SLC19A3: variants seen among roughly 807,000 people sequenced by gnomAD.
SLC19A3 encodes the protein solute carrier family 19 member 3.
In SLC19A3, 31 loss-of-function variants were observed where a neutral mutation model predicts 40.2. The observed-to-expected ratio is 0.77, with a 90% CI of 0.58 to 1.04. The LOEUF (loss-of-function observed/expected upper bound fraction) is 1.04, where lower values mean the gene tolerates loss of function less well. Ranked by LOEUF, SLC19A3 falls within the 50% of genes least tolerant of loss-of-function variation. The pLI is 0.00. For synonymous variants in SLC19A3, 212 were observed against 227.5 expected, an observed-to-expected ratio of 0.93 and a Z score of 0.61; for missense variants, 592 against 596.7, an observed-to-expected ratio of 0.99 and a Z score of 0.08.
At chr2:227,698,684 TG>T (rs1695538925) in intron 3 of SLC19A3, 51 bp downstream of exon 3, 1 of 1,492,892 alleles carries the variant, frequency 6.7e-7, no homozygotes. Context: ...CCTGGAGGAA[TG>T]GACTTAAGCG....
At chr2:227,700,712 A>C (rs1441128878) in intron 2 of SLC19A3, among the ~76,000 whole-genome samples, 2 of 152,324 alleles carry the variant, frequency 1.3e-5, no homozygotes, top group East Asian at 1.9e-4. Context: ...CTTCATGGGC[A>C]AATTTGCTAG....
At chr2:227,709,943 G>A (rs1021968686) in intron 1 of SLC19A3, among the ~76,000 whole-genome samples, 5 of 152,072 alleles carry the variant, frequency 3.3e-5, no homozygotes, top group African/African-American at 4.8e-5. Flanking sequence ...AATGGGGGAG[G>A]AGTTAGGGGG....
intron 1 of SLC19A3, among the ~76,000 whole-genome samples, chr2:227,708,436 G>A (rs538802854): frequency 6.6e-6 from 1 of 151,698 alleles, no homozygotes; most frequent in African/African-American, 2.4e-5. Context: ...TCCTTAAATT[G>A]TTCTTTCCAC....
intron 1 of SLC19A3, among the ~76,000 whole-genome samples, chr2:227,707,881 C>A (rs772653258): frequency 1.5e-4 from 23 of 152,184 alleles, no homozygotes; most frequent in Non-Finnish European, 3.1e-4. Context: ...GTGCCTGCCA[C>A]CATGCCTGGC....
rs1694987958 is a variant in SLC19A3 at position 227,685,586 on chromosome 2, T to C, written c.*1811A>G. 6.6e-6 allele frequency: 1 copy of C among 152,156 alleles called. No individual in the cohort carries two copies. The highest frequency in any genetic ancestry group is 1.5e-5 in the Non-Finnish European group (1 of 68,054). The allele number at this position is 152,156 out of a possible 1,614,324, so 9.4% of individuals were successfully genotyped here. A position where few individuals can be genotyped will look rare whatever the true frequency, so the allele number is the denominator to read the frequency against. ...ATCAAAATCCAATTAAAAATTTTTT[T>C]GTTTGTTTTAGACACAGGGTCTTGC... is the stretch of plus-strand genomic sequence containing the variant. On this transcript the variant is annotated 3_prime_UTR_variant, in exon 6 of 6. Coordinates refer to ENST00000644224, the MANE Select transcript of SLC19A3 (RefSeq NM_025243.4).
Position 227,687,232 on chromosome 2 carries a change from G to A in SLC19A3, c.*165C>T. 3 of 664,952 alleles carry A rather than the reference G, an allele frequency of 4.5e-6. No individual in the cohort carries two copies. The highest frequency in any genetic ancestry group is 2.1e-5 in the South Asian group (1 of 48,086). 41.2% of individuals were successfully genotyped at this position (664,952 alleles called of 1,614,324 possible). A position where few individuals can be genotyped will look rare whatever the true frequency, so the allele number is the denominator to read the frequency against. On this transcript the variant is annotated 3_prime_UTR_variant, in exon 6 of 6. Coordinates refer to ENST00000644224, the MANE Select transcript of SLC19A3 (RefSeq NM_025243.4). ...TGCATCCAGTAAAATTGGTCACATA[G>A]AGAACTCATCTAAAACTGAGGTTTT...
intron 1 of SLC19A3, among the ~76,000 whole-genome samples, chr2:227,708,102 T>C (rs1490435755): frequency 6.6e-6 from 1 of 152,194 alleles, no homozygotes; most frequent in Non-Finnish European, 1.5e-5. Context: ...TCCCCTTCTT[T>C]GGGGTACGTG....
intron 1 of SLC19A3, among the ~76,000 whole-genome samples, chr2:227,716,474 C>T (rs1258783172): frequency 6.6e-6 from 1 of 152,176 alleles, no homozygotes; most frequent in Non-Finnish European, 1.5e-5. Context: ...AAACCTTTGT[C>T]TGCCTAAGAT....
At chr2:227,709,564 G>A (rs530657629) in intron 1 of SLC19A3, among the ~76,000 whole-genome samples, 14 of 152,204 alleles carry the variant, frequency 9.2e-5, no homozygotes, top group African/African-American at 3.4e-4. Flanking sequence ...TCTAGCTAAG[G>A]TAAAGCCTTA....
intron 1 of SLC19A3, among the ~76,000 whole-genome samples, chr2:227,714,973 C>A (rs71431072): frequency 0.15 from 22,148 of 151,746 alleles, 2,113 homozygotes; most frequent in South Asian, 0.33. Flanking sequence ...GCACCCGCCA[C>A]CAGGCCTGGC....
rs77029550 is a variant in SLC19A3, at chr2:227,695,680, T to C, written c.1172+209A>G. ...TGGTCTATAAACCTACAGAGTTTTT[T>C]CCCTTGATGACTTAAGGTATATTGT... On this transcript the variant is annotated intron_variant, in intron 4 of 5. Transcript: ENST00000644224. 8,630 of 579,568 alleles carry C rather than the reference T, an allele frequency of 0.015. 571 individuals carry two copies. Among genetic ancestry groups the C allele is most frequent in the African/African-American group, 0.14 (7,706 of 53,526 alleles). 35.9% of individuals were successfully genotyped at this position (579,568 alleles called of 1,614,324 possible).
At chr2:227,689,454 A>G (rs1695139485) in intron 4 of SLC19A3, among the ~76,000 whole-genome samples, 1 of 152,208 alleles carries the variant, frequency 6.6e-6, no homozygotes, top group Non-Finnish European at 1.5e-5. Context: ...GAGTGGCATG[A>G]CATATTTAAA....
chr2:227,709,660 G>C (rs541637173), intron 1 of SLC19A3, among the ~76,000 whole-genome samples: 42 of 152,074 alleles, frequency 2.8e-4, no homozygotes, highest in Non-Finnish European at 5.3e-4. Flanking sequence ...CAGAGCTGTG[G>C]GGCTCCCTGA....
Position 227,685,148 on chromosome 2 carries a change from G to C in SLC19A3, c.*2249C>G, listed in dbSNP as rs112366807. The C allele has an allele frequency of 4.9e-4, 75 of 152,182 alleles. No homozygotes were observed. Among genetic ancestry groups the C allele is most frequent in the African/African-American group, 1.8e-3 (75 of 41,534 alleles). 9.4% of individuals were successfully genotyped at this position (152,182 alleles called of 1,614,324 possible). Reference sequence around the variant, plus strand: ...GAAGAATTTCGGGATTTGGAGAGGAGTATACTTGAGAAACATATTAGTCCA... The same window carrying C: ...GAAGAATTTCGGGATTTGGAGAGGACTATACTTGAGAAACATATTAGTCCA... On this transcript the variant is annotated 3_prime_UTR_variant, in exon 6 of 6. Transcript: ENST00000644224.
intron 3 of SLC19A3, among the ~76,000 whole-genome samples, chr2:227,698,296 G>C (rs1015643383): frequency 3.3e-5 from 5 of 151,714 alleles, no homozygotes; most frequent in Admixed American, 6.6e-5. Flanking sequence ...AAGTAGCTGG[G>C]ACTACAGGCA....
intron 4 of SLC19A3, among the ~76,000 whole-genome samples, chr2:227,690,165 A>G (rs79144487): frequency 0.041 from 6,277 of 152,250 alleles, 343 homozygotes; most frequent in African/African-American, 0.12. Flanking sequence ...TTCAAAAGAG[A>G]GTGGTTGAAT....
At chr2:227,715,489 G>A (rs1180184119) in intron 1 of SLC19A3, among the ~76,000 whole-genome samples, 1 of 152,166 alleles carries the variant, frequency 6.6e-6, no homozygotes, top group Non-Finnish European at 1.5e-5. Flanking sequence ...GCCTCCCAAA[G>A]TGCTGGGATT....
intron 4 of SLC19A3, among the ~76,000 whole-genome samples, chr2:227,694,037 G>T (rs1385615933): frequency 6.6e-6 from 1 of 152,116 alleles, no homozygotes; most frequent in African/African-American, 2.4e-5. Flanking sequence ...ACTTCAATTT[G>T]AATGGCTTTT....
chr2:227,687,089 T>C lies in SLC19A3; in HGVS notation c.*308A>G. ...GGATGGCTGGAGTTTTCTCATGGTT[T>C]GGTTCCACGCCATCTGCATGTCTTT... On this transcript the variant is annotated 3_prime_UTR_variant, in exon 6 of 6. Transcript: ENST00000644224. 4.3e-6 allele frequency: 1 copy of C among 235,238 alleles called. No homozygotes were observed. The highest frequency in any genetic ancestry group is 2.3e-5 in the African/African-American group (1 of 44,296). The allele number at this position is 235,238 out of a possible 1,614,324, so 14.6% of individuals were successfully genotyped here.
Sources: allele counts gnomAD v4.1 joint callset (sites outside exome capture counted in the v4.1 genomes callset), GRCh38; gene constraint gnomAD v4.1.1; transcripts MANE v1.5; gene names NCBI Gene and HGNC (gene_info 2026-07-23, HGNC 2026-07-21).